LANCL2: variants seen among roughly 807,000 people sequenced by gnomAD.
The protein encoded by LANCL2 is lanC-like protein 2.
Under a neutral mutation model 56.9 loss-of-function variants are expected in LANCL2, and 33 were observed. That is an observed-to-expected ratio of 0.58 (90% CI 0.44 to 0.78). The LOEUF (loss-of-function observed/expected upper bound fraction) is 0.78. Ranked by LOEUF, LANCL2 falls within the 30% of genes least tolerant of loss-of-function variation. The pLI is 0.00. For synonymous variants in LANCL2, 233 were observed against 228.2 expected, an observed-to-expected ratio of 1.02 and a Z score of -0.19; for missense variants, 562 against 580.2, an observed-to-expected ratio of 0.97 and a Z score of 0.32.
chr7:55,403,189 C>T (rs1342737738), intron 5 of LANCL2, among the ~76,000 whole-genome samples: 6 of 152,284 alleles, frequency 3.9e-5, no homozygotes, highest in African/African-American at 9.6e-5. Context: ...GTCTGCCATC[C>T]CGGCACCTCG....
chr7:55,409,388 C>T (rs1286445723), intron 5 of LANCL2, among the ~76,000 whole-genome samples: 1 of 152,168 alleles, frequency 6.6e-6, no homozygotes, highest in Non-Finnish European at 1.5e-5. Flanking sequence ...CGTGCCCGGC[C>T]AACTTCCAAG....
intron 1 of LANCL2, among the ~76,000 whole-genome samples, chr7:55,373,102 A>G (rs2128991009): frequency 6.6e-6 from 1 of 152,270 alleles, no homozygotes; most frequent in South Asian, 2.1e-4. Flanking sequence ...GGGTCTCCAG[A>G]TTCGTAAGTT....
At chr7:55,409,294 G>A (rs921086443) in intron 5 of LANCL2, among the ~76,000 whole-genome samples, 5 of 151,552 alleles carry the variant, frequency 3.3e-5, no homozygotes, top group Admixed American at 2.0e-4. Flanking sequence ...GGGTTTCACC[G>A]TATTAGCCAG....
At chr7:55,385,565 T>G (rs188606629) in intron 1 of LANCL2, among the ~76,000 whole-genome samples, 57 of 152,122 alleles carry the variant, frequency 3.7e-4, no homozygotes, top group African/African-American at 1.3e-3. Context: ...ATTAGGGAGT[T>G]TCAAAAGGGG....
At chr7:55,407,967 G>A (rs1056833860) in intron 5 of LANCL2, among the ~76,000 whole-genome samples, 118 of 152,252 alleles carry the variant, frequency 7.8e-4, no homozygotes, top group Non-Finnish European at 1.4e-3. Flanking sequence ...ACCAGTAGCC[G>A]ATGAGCGGAC....
At chr7:55,400,248 T>A (rs1276646734) in intron 4 of LANCL2, 144 bp downstream of exon 4, 7 of 600,958 alleles carry the variant, frequency 1.2e-5, no homozygotes, top group Non-Finnish European at 1.5e-5. Context: ...TAGTCCCTGC[T>A]TTTTTCTAGG....
chr7:55,366,184 G>A lies in LANCL2; in HGVS notation c.159G>A (p.Pro53=), dbSNP rs1188007873. The change falls in exon 1 of 9, where the codon CCG becomes CCA. Residue 53 remains proline, a synonymous_variant. Coordinates refer to ENST00000254770, the MANE Select transcript of LANCL2 (RefSeq NM_018697.4). The part of the protein sequence containing the change: ...AAEETGCVRP[P]ATTDEPGLPF... ...AAGAGACAGGCTGTGTTCGTCCCCC[G>A]GCGACCACGGATGAGCCCGGCCTCC... 1.9e-6 allele frequency: 3 copies of A among 1,556,430 alleles called. No homozygotes were observed. The highest frequency in any genetic ancestry group is 2.8e-5 in the African/African-American group (2 of 72,492).
At chr7:55,405,510 T>TG (rs1223750434) in intron 5 of LANCL2, among the ~76,000 whole-genome samples, 17 of 135,116 alleles carry the variant, frequency 1.3e-4, no homozygotes, top group Non-Finnish European at 2.7e-4. Flanking sequence ...TTTTTTTTTT[T>TG]GGGACAGGGT....
At chr7:55,391,019 T>G (rs1213359685) in intron 1 of LANCL2, among the ~76,000 whole-genome samples, 1 of 144,338 alleles carries the variant, frequency 6.9e-6, no homozygotes, top group Non-Finnish European at 1.5e-5. Flanking sequence ...TTGAACTTTT[T>G]TTTTTTTTTT....
At chr7:55,396,808 A>G (rs1452580637) in intron 2 of LANCL2, 1 of 152,234 alleles carries the variant, frequency 6.6e-6, no homozygotes, top group Non-Finnish European at 1.5e-5. Flanking sequence ...AATCAGATCA[A>G]CATCCTATTT....
chr7:55,425,466 C>T (rs1387260451), intron 7 of LANCL2, 36 bp downstream of exon 7: 3 of 1,593,246 alleles, frequency 1.9e-6, no homozygotes, highest in Non-Finnish European at 2.6e-6. Flanking sequence ...TTCTGAACAA[C>T]CCCGAGTGTG....
At chr7:55,403,031 C>T (rs1472508072) in intron 5 of LANCL2, among the ~76,000 whole-genome samples, 6 of 151,774 alleles carry the variant, frequency 4.0e-5, no homozygotes, top group African/African-American at 7.3e-5. Context: ...ACTTCCCAGA[C>T]GGGGTGGCGG....
At position 55,380,271 on chromosome 7, in the gene LANCL2, A is replaced by G. The variant is rs543318975; in HGVS notation, c.205-11522A>G. ...GCACGTTGAAATCCTCTTTGGCACA[A>G]TTGGTTGGTCTCAAAATAGATTTGC... On this transcript the variant is annotated intron_variant, in intron 1 of 8. Transcript: ENST00000254770. Among the ~76,000 whole-genome samples the G allele has an allele frequency of 8.5e-5, 13 of 152,308 alleles. No homozygotes were observed. In the East Asian group the frequency reaches 2.1e-3, roughly 25 times the overall value.
chr7:55,409,783 T>G (rs1790452118), intron 5 of LANCL2, among the ~76,000 whole-genome samples: 2 of 152,050 alleles, frequency 1.3e-5, no homozygotes, highest in African/African-American at 4.8e-5. Context: ...GAGCTGTTGG[T>G]GGGTATGAAA....
chr7:55,425,668 G>A (rs1464589595), intron 7 of LANCL2, among the ~76,000 whole-genome samples: 4 of 152,190 alleles, frequency 2.6e-5, no homozygotes, highest in African/African-American at 7.2e-5. Flanking sequence ...GAGTCACTAC[G>A]TGATGAGAAT....
intron 1 of LANCL2, among the ~76,000 whole-genome samples, chr7:55,370,348 T>A (rs1320022107): frequency 1.3e-5 from 2 of 152,210 alleles, no homozygotes; most frequent in African/African-American, 4.8e-5. Flanking sequence ...CCATCACACC[T>A]GCCATATTGT....
chr7:55,373,689 TA>T (rs1789970795), intron 1 of LANCL2, among the ~76,000 whole-genome samples: 1 of 152,188 alleles, frequency 6.6e-6, no homozygotes, highest in Non-Finnish European at 1.5e-5. Flanking sequence ...CTATGGAAAT[TA>T]AAAAAATTTT....
chr7:55,413,218 C>T lies in LANCL2; in HGVS notation c.1008+1129C>T, dbSNP rs1790490337. ...TAATTCTGTTCAAATCACTGCCTCC[C>T]TTTTTTAGAGTTTTGGAGCAGTTAT... On this transcript the variant is annotated intron_variant, in intron 6 of 8. Coordinates refer to ENST00000254770, the MANE Select transcript of LANCL2 (RefSeq NM_018697.4). 1.3e-5 allele frequency among the ~76,000 whole-genome samples: 2 copies of T among 152,162 alleles called. 1 individual carries two copies. Among genetic ancestry groups the T allele is most frequent in the South Asian group, 4.1e-4 (2 of 4,828 alleles).
At position 55,365,951 on chromosome 7, in the gene LANCL2, G is replaced by A. The variant is rs1430238494; in HGVS notation, c.-75G>A. On this transcript the variant is annotated 5_prime_UTR_variant, in exon 1 of 9. Coordinates refer to ENST00000254770, the MANE Select transcript of LANCL2 (RefSeq NM_018697.4). ...GACGCTCTCTGCGCGGGCCCTCGGA[G>A]GAGGCGGCGGCGGGGCGAGCTGCAG... 3.3e-6 allele frequency: 4 copies of A among 1,210,848 alleles called. No individual in the cohort carries two copies. Among genetic ancestry groups the A allele is most frequent in the Non-Finnish European group, 3.3e-6 (3 of 911,430 alleles). The allele number at this position is 1,210,848 out of a possible 1,614,324, so 75.0% of individuals were successfully genotyped here. A position where few individuals can be genotyped will look rare whatever the true frequency, so the allele number is the denominator to read the frequency against.
Sources: gnomAD v4.1 joint callset for allele counts (sites outside exome capture counted in the v4.1 genomes callset) on GRCh38, gnomAD v4.1.1 for gene constraint, MANE v1.5 for transcripts, NCBI Gene and HGNC (gene_info 2026-07-23, HGNC 2026-07-21) for gene names.